Variants in GRIN3B observed in about 807,000 individuals in gnomAD.
GRIN3B encodes glutamate receptor ionotropic, NMDA 3B.
A neutral mutation model predicts 66.0 loss-of-function variants in GRIN3B; 77 were observed. That is an observed-to-expected ratio of 1.17 (90% confidence interval 0.97 to 1.41). The LOEUF (loss-of-function observed/expected upper bound fraction) is 1.41. GRIN3B is among the 40% of genes most tolerant of loss of function. GRIN3B has a pLI of 0.00. For synonymous variants in GRIN3B, 823 were observed against 749.7 expected, an observed-to-expected ratio of 1.10 and a Z score of -1.60; for missense variants, 1,787 against 1,564.5, an observed-to-expected ratio of 1.14 and a Z score of -2.40.
Position 1,007,846 on chromosome 19 carries a change from G to A in GRIN3B, c.2199-10G>A, listed in dbSNP as rs1284257713. On this transcript the variant is annotated splice_polypyrimidine_tract_variant and intron_variant, in intron 4 of 8. Transcript: ENST00000234389. This position sits in a 1 kb window ranked among gnomAD's most constrained non-coding sequence, Gnocchi z 4.4. Reference sequence around the variant, plus strand: ...GGGCGATGGCTGACCCCCGCCCCCGGCCCCAGCAGGAGCGACCCCCCCAAG... The same window carrying A: ...GGGCGATGGCTGACCCCCGCCCCCGACCCCAGCAGGAGCGACCCCCCCAAG... 6.9e-6 allele frequency: 11 copies of A among 1,599,340 alleles called. No individual in the cohort carries two copies. The highest frequency in any genetic ancestry group is 9.4e-6 in the Non-Finnish European group (11 of 1,171,744).
chr19:1,000,818 G>T lies in GRIN3B; in HGVS notation c.381G>T (p.Val127=). Residue 127 remains valine (V), a synonymous_variant, in exon 1 of 9, where the codon GTG becomes GTT. Transcript: ENST00000234389. ...TGGCGGCGGCCACCGAGACCCCCGT[G>T]CTCAGCCTGCTGCGGCGGGAGGCGC... The part of the protein sequence containing the change: ...HFLAAATETP[V]LSLLRREARA... The T allele has an allele frequency of 6.9e-7, 1 of 1,449,624 alleles. No individual in the cohort carries two copies. The highest frequency in any genetic ancestry group is 9.0e-7 in the Non-Finnish European group (1 of 1,108,498). 89.8% of individuals were successfully genotyped at this position (1,449,624 alleles called of 1,614,324 possible). A position where few individuals can be genotyped will look rare whatever the true frequency, so the allele number is the denominator to read the frequency against.
At position 1,007,086 on chromosome 19, in the gene GRIN3B, T is replaced by C. The variant is rs1052347313; in HGVS notation, c.2053-542T>C. On this transcript the variant is annotated intron_variant, in intron 3 of 8. Coordinates refer to ENST00000234389, the MANE Select transcript of GRIN3B (RefSeq NM_138690.3). This position sits in a 1 kb window ranked among gnomAD's most constrained non-coding sequence, Gnocchi z 4.4. ...ATGTTGATGGGGAAGGAGGCTGGGT[T>C]CGACGCTGGGCCCCAACCTGGGTAG... is the stretch of plus-strand genomic sequence containing the variant. Among the ~76,000 whole-genome samples, 17 of 152,140 alleles carry C rather than the reference T, an allele frequency of 1.1e-4. No individual in the cohort carries two copies. The highest frequency in any genetic ancestry group is 1.0e-4 in the Non-Finnish European group (7 of 68,004).
chr19:1,006,838 G>A (rs1012710294), intron 3 of GRIN3B, among the ~76,000 whole-genome samples: 5 of 152,206 alleles, frequency 3.3e-5, no homozygotes, highest in Non-Finnish European at 5.9e-5. Context: ...TTCATCATAC[G>A]GAAACTTCCA....
chr19:1,009,586 CG>C lies in GRIN3B; in HGVS notation c.3120del (p.Ser1041AlafsTer44). On this transcript the variant is annotated frameshift_variant, in exon 9 of 9. Coordinates refer to ENST00000234389, the MANE Select transcript of GRIN3B (RefSeq NM_138690.3). LOFTEE classifies it high-confidence loss of function. ...GAGGCCCCACCACACTCTGGCCGAC[CG>C]GGGAGCCAGGAATGAGGCGGCAGCC... The part of the protein sequence containing the change: ...PAEAPPHSGR[P>X]GSQE 1.4e-6 allele frequency: 2 copies of C among 1,439,862 alleles called. No individual in the cohort carries two copies. The highest frequency in any genetic ancestry group is 1.4e-5 in the South Asian group (1 of 71,434). The allele number at this position is 1,439,862 out of a possible 1,614,324, so 89.2% of individuals were successfully genotyped here. A position where few individuals can be genotyped will look rare whatever the true frequency, so the allele number is the denominator to read the frequency against.
chr19:1,002,951 T>C (rs1028200754), intron 1 of GRIN3B, among the ~76,000 whole-genome samples, 179 bp from the exon 2 acceptor site: 8 of 150,818 alleles, frequency 5.3e-5, no homozygotes, highest in Non-Finnish European at 1.5e-5. Flanking sequence ...GACTGAGCTT[T>C]GTGGGGATGG....
At position 1,007,289 on chromosome 19, in the gene GRIN3B, C is replaced by T. The variant is rs1472830181; in HGVS notation, c.2053-339C>T. Among the ~76,000 whole-genome samples the T allele has an allele frequency of 1.3e-5, 2 of 151,752 alleles. No individual in the cohort carries two copies. The highest frequency in any genetic ancestry group is 1.9e-4 in the East Asian group (1 of 5,166). On this transcript the variant is annotated intron_variant, in intron 3 of 8. Coordinates refer to ENST00000234389, the MANE Select transcript of GRIN3B (RefSeq NM_138690.3). This position sits in a 1 kb window ranked among gnomAD's most constrained non-coding sequence, Gnocchi z 4.4. ...CATGGACATGTTAGAGTGGGGCTCC[C>T]GTGGGACCCCCAGGGGAGAGGCAGA...
chr19:1,009,018 G>C (rs1425503503), intron 8 of GRIN3B, 91 bp downstream of exon 8: 1 of 1,489,858 alleles, frequency 6.7e-7, no homozygotes, highest in African/African-American at 1.4e-5. Flanking sequence ...GGGTGCAGGA[G>C]GTTCCCGGAG....
In GRIN3B at chr19:1,008,946, G is replaced by A. The variant is rs201093441; in HGVS notation, c.2702+19G>A. On this transcript the variant is annotated intron_variant, in intron 8 of 8. Coordinates refer to ENST00000234389, the MANE Select transcript of GRIN3B (RefSeq NM_138690.3). ...AGCCCAGGTAAGTGGTGGTCGGGGC[G>A]GACCACGATGCAGGACCACCCAGAC... is the stretch of plus-strand genomic sequence containing the variant. 4.0e-5 allele frequency: 63 copies of A among 1,588,994 alleles called. No individual in the cohort carries two copies. In the East Asian group the frequency reaches 7.4e-4, roughly 19 times the overall value.
At chr19:1,001,143 A>G (rs925429252) in intron 1 of GRIN3B, among the ~76,000 whole-genome samples, 4 of 151,882 alleles carry the variant, frequency 2.6e-5, no homozygotes, top group African/African-American at 9.7e-5. Context: ...ACCCCTTCCC[A>G]GCGCCCTGGT....
At chr19:1,006,832 TC>T (rs1397269781) in intron 3 of GRIN3B, among the ~76,000 whole-genome samples, 1 of 152,228 alleles carries the variant, frequency 6.6e-6, no homozygotes, top group African/African-American at 2.4e-5. Context: ...AGCCTTTTCA[TC>T]ATACGGAAAC....
Position 1,005,141 on chromosome 19 carries a change from CCTT to C in GRIN3B, c.1646_1648del (p.Phe549del), listed in dbSNP as rs759052758. The stretch of plus-strand genomic sequence containing the variant: ...TCACAGGTGGTGGACTTCACCAGCC[CCTT>C]CTTCTCCACCAGCCTGGGCATCATG... On this transcript the variant is annotated inframe_deletion, in exon 3 of 9. Coordinates refer to ENST00000234389, the MANE Select transcript of GRIN3B (RefSeq NM_138690.3). This position sits in a 1 kb window ranked among gnomAD's most constrained non-coding sequence, Gnocchi z 5.2. The C allele has an allele frequency of 4.7e-5, 76 of 1,613,302 alleles. No homozygotes were observed. Among genetic ancestry groups the C allele is most frequent in the Non-Finnish European group, 6.0e-5 (71 of 1,179,962 alleles).
In GRIN3B at chr19:1,003,401, C is replaced by T. The variant is rs1487850093; in HGVS notation, c.698C>T (p.Pro233Leu). ...AAPVGGEAPVPAAVLLGCDIA... is the reference protein window; with the variant it reads ...AAPVGGEAPVLAAVLLGCDIA... Reference sequence around the variant, plus strand: ...CCAGTGGGGGGTGAAGCACCGGTACCCGCGGCGGTCCTCCTCGGCTGTGAC... The same window carrying T: ...CCAGTGGGGGGTGAAGCACCGGTACTCGCGGCGGTCCTCCTCGGCTGTGAC... The change falls in exon 2 of 9, where the codon CCC becomes CTC. Residue 233 changes from proline (P) to leucine (L), a missense_variant. Coordinates refer to ENST00000234389, the MANE Select transcript of GRIN3B (RefSeq NM_138690.3). 1.9e-6 allele frequency: 3 copies of T among 1,553,462 alleles called. No homozygotes were observed. The highest frequency in any genetic ancestry group is 1.7e-4 in the Middle Eastern group (1 of 5,974).
chr19:1,007,678 C>T lies in GRIN3B; in HGVS notation c.2103C>T (p.Ser701=). 1 of 1,535,760 alleles carries T rather than the reference C, an allele frequency of 6.5e-7. No individual in the cohort carries two copies. The highest frequency in any genetic ancestry group is 1.4e-5 in the African/African-American group (1 of 71,960). The change falls in exon 4 of 9, where the codon AGC becomes AGT. Residue 701 remains serine, a synonymous_variant. Coordinates refer to ENST00000234389, the MANE Select transcript of GRIN3B (RefSeq NM_138690.3). This position sits in a 1 kb window ranked among gnomAD's most constrained non-coding sequence, Gnocchi z 4.4. ...GCTTCGGCACCGTGTGGGAGAGCAGCGCCGAGGCGTACATCAAGAAGAGCT... is the reference window on the plus strand; with the variant it reads ...GCTTCGGCACCGTGTGGGAGAGCAGTGCCGAGGCGTACATCAAGAAGAGCT... ...GFRFGTVWES[S]AEAYIKKSFP...
At position 1,000,847 on chromosome 19, in the gene GRIN3B, C is replaced by T. The variant is rs766207454; in HGVS notation, c.410C>T (p.Ala137Val). 1,223 of 1,425,026 alleles carry T rather than the reference C, an allele frequency of 8.6e-4. 7 individuals are homozygous for T. The highest frequency in any genetic ancestry group is 6.2e-4 in the South Asian group (44 of 71,468). The allele number at this position is 1,425,026 out of a possible 1,614,324, so 88.3% of individuals were successfully genotyped here. A position where few individuals can be genotyped will look rare whatever the true frequency, so the allele number is the denominator to read the frequency against. Reference sequence around the variant, plus strand: ...AGCCTGCTGCGGCGGGAGGCGCGCGCGCCCCTCGGAGCCCCGGTACGCGGG... The same window carrying T: ...AGCCTGCTGCGGCGGGAGGCGCGCGTGCCCCTCGGAGCCCCGGTACGCGGG... ...VLSLLRREARAPLGAPNPFHL... is the reference protein window; with the variant it reads ...VLSLLRREARVPLGAPNPFHL... The change falls in exon 1 of 9, where the codon GCG becomes GTG. Residue 137 changes from alanine (A) to valine (V), a missense_variant. Physicochemically the swap from Ala to Val is moderately conservative, Grantham distance 64. Transcript: ENST00000234389.
rs1253348623 is a variant in GRIN3B, at chr19:1,000,479, G to A, written c.42G>A (p.Ala14=). ...CGCTGTGGCTGGGCCTGGCGCTGGC[G>A]CTGGGGCCGGGGTCCGCGGGGGGCC... is the stretch of plus-strand genomic sequence containing the variant. ...VRALWLGLAL[A]LGPGSAGGHP... is the part of the protein sequence containing the mutation. Residue 14 remains alanine (A), a synonymous_variant, in exon 1 of 9, where the codon GCG becomes GCA. Coordinates refer to ENST00000234389, the MANE Select transcript of GRIN3B (RefSeq NM_138690.3). The A allele has an allele frequency of 2.3e-5, 28 of 1,208,496 alleles. No homozygotes were observed. In the Admixed American group the frequency reaches 4.0e-4, roughly 17 times the overall value. 74.9% of individuals were successfully genotyped at this position (1,208,496 alleles called of 1,614,324 possible).
At position 1,009,729 on chromosome 19, in the gene GRIN3B, C is replaced by A; in HGVS notation, c.*127C>A. On this transcript the variant is annotated 3_prime_UTR_variant, in exon 9 of 9. Transcript: ENST00000234389. ...AATTAAATAGAATGGAATGAGCGCT[C>A]CTCCGCATTCCTCCCCGAGTGACTG... is the stretch of plus-strand genomic sequence containing the variant. 1 of 818,902 alleles carries A rather than the reference C, an allele frequency of 1.2e-6. No homozygotes were observed. The highest frequency in any genetic ancestry group is 1.7e-6 in the Non-Finnish European group (1 of 584,090). The allele number at this position is 818,902 out of a possible 1,614,324, so 50.7% of individuals were successfully genotyped here.
At position 1,007,949 on chromosome 19, in the gene GRIN3B, G is replaced by C. The variant is rs780373059; in HGVS notation, c.2292G>C (p.Val764=). The part of the protein sequence containing the change: ...SIDADCKLLT[V]GKPFAIEGYG... Reference sequence around the variant, plus strand: ...ACGCCGACTGCAAACTGCTGACCGTGGGAAAGCCCTTCGCCATTGAGGGTG... The same window carrying C: ...ACGCCGACTGCAAACTGCTGACCGTCGGAAAGCCCTTCGCCATTGAGGGTG... The change falls in exon 5 of 9, where the codon GTG becomes GTC. Residue 764 remains valine, a synonymous_variant. Transcript: ENST00000234389. This position sits in a 1 kb window ranked among gnomAD's most constrained non-coding sequence, Gnocchi z 4.4. 3 of 1,612,048 alleles carry C rather than the reference G, an allele frequency of 1.9e-6. No homozygotes were observed. The highest frequency in any genetic ancestry group is 2.5e-6 in the Non-Finnish European group (3 of 1,179,702).
intron 1 of GRIN3B, chr19:1,002,825 TTGG>T (rs10533563): frequency 0.19 from 57,103 of 304,872 alleles, 6,910 homozygotes; most frequent in Non-Finnish European, 0.24. Context: ...TGTGTAGGAG[TTGG>T]TGGGCATAGA....
Position 1,007,988 on chromosome 19 carries a change from C to A in GRIN3B, c.2314+17C>A, listed in dbSNP as rs770588372. The A allele has an allele frequency of 1.6e-5, 26 of 1,607,506 alleles. No individual in the cohort carries two copies. In the Admixed American group the frequency reaches 4.0e-4, roughly 25 times the overall value. Reference sequence around the variant, plus strand: ...CCATTGAGGGTGAGAGGCACCTGGGCGAGGCGGGGCGCCGGGGTCTCTGGG... The same window carrying A: ...CCATTGAGGGTGAGAGGCACCTGGGAGAGGCGGGGCGCCGGGGTCTCTGGG... On this transcript the variant is annotated intron_variant, in intron 5 of 8. Transcript: ENST00000234389. The surrounding 1 kb of genome is among the most constrained non-coding windows in gnomAD (Gnocchi z 4.4).
Sources: allele counts gnomAD v4.1 joint callset (sites outside exome capture counted in the v4.1 genomes callset), GRCh38; gene constraint gnomAD v4.1.1; non-coding constraint Gnocchi (gnomAD v3.1); transcripts MANE v1.5; gene names NCBI Gene and HGNC (gene_info 2026-07-23, HGNC 2026-07-21).